The following EPHB1 variants were observed in gnomAD, a reference collection of about 807,000 sequenced individuals.
The protein encoded by EPHB1 is EPH receptor B1.
In EPHB1, 30 loss-of-function variants were observed where a neutral mutation model predicts 94.4. The ratio of observed to expected loss-of-function variants is 0.32; its 90% CI spans 0.24 to 0.43. EPHB1 has a LOEUF of 0.43. EPHB1 is among the 20% of genes least tolerant of loss of function. The probability of loss-of-function intolerance (pLI) is 1.00; values close to 1 mark genes in which losing one functional copy is unlikely to be tolerated. For synonymous variants in EPHB1, 522 were observed against 489.1 expected (o/e 1.07, Z -0.89); for missense variants, 1,055 against 1,308.3 (o/e 0.81, Z 2.99).
At chr3:134,863,275 C>T (rs1311118342) in intron 1 of EPHB1, among the ~76,000 whole-genome samples, 4 of 152,184 alleles carry the variant, frequency 2.6e-5, no homozygotes, top group Non-Finnish European at 4.4e-5. Context: ...GTATATCTGC[C>T]GGCCTGGACT....
chr3:134,804,069 C>CTT (rs1560240142), intron 1 of EPHB1, among the ~76,000 whole-genome samples: 2 of 51,810 alleles, frequency 3.9e-5, no homozygotes, highest in Non-Finnish European at 7.0e-5. Flanking sequence ...TCATTATTGG[C>CTT]TATTTTTTTT....
intron 10 of EPHB1, among the ~76,000 whole-genome samples, chr3:135,190,853 G>C (rs200985872): frequency 1.3e-5 from 2 of 152,190 alleles, no homozygotes; most frequent in African/African-American, 4.8e-5. Context: ...TATGTGCCAA[G>C]CACCACAGTG....
At chr3:135,006,824 T>C (rs1162082595) in intron 3 of EPHB1, among the ~76,000 whole-genome samples, 1 of 152,114 alleles carries the variant, frequency 6.6e-6, no homozygotes, top group Admixed American at 6.5e-5. Context: ...ATGCCAAGTT[T>C]TTTTTTTTCA....
At chr3:135,252,549 C>T (rs1350936902) in intron 15 of EPHB1, among the ~76,000 whole-genome samples, 2 of 149,706 alleles carry the variant, frequency 1.3e-5, no homozygotes, top group Non-Finnish European at 3.0e-5. Flanking sequence ...ATGAACTCAT[C>T]ATTTTTTATG....
At chr3:135,034,093 C>G (rs1936571394) in intron 3 of EPHB1, among the ~76,000 whole-genome samples, 2 of 152,022 alleles carry the variant, frequency 1.3e-5, no homozygotes, top group Non-Finnish European at 2.9e-5. Context: ...CGGTTAGCAA[C>G]TGTATCCTGT....
intron 3 of EPHB1, among the ~76,000 whole-genome samples, chr3:134,955,654 T>C (rs1301727964): frequency 2.5e-5 from 1 of 40,684 alleles, no homozygotes; most frequent in Non-Finnish European, 4.8e-5. Context: ...ATCATGCTGC[T>C]ATAAAGACAC....
intron 1 of EPHB1, among the ~76,000 whole-genome samples, chr3:134,877,394 C>T (rs1346640193): frequency 6.6e-6 from 1 of 152,170 alleles, no homozygotes; most frequent in Non-Finnish European, 1.5e-5. Context: ...AGCCCCCTGA[C>T]CCCCACAGCA....
chr3:134,897,333 G>C (rs1460628146), intron 1 of EPHB1, among the ~76,000 whole-genome samples: 1 of 152,154 alleles, frequency 6.6e-6, no homozygotes, highest in South Asian at 2.1e-4. Context: ...TCTTGGGTCA[G>C]GGGTGAGGGA....
intron 5 of EPHB1, among the ~76,000 whole-genome samples, chr3:135,153,297 A>G (rs1414522189): frequency 6.6e-6 from 1 of 152,216 alleles, no homozygotes; most frequent in East Asian, 1.9e-4. Context: ...CAGAGCACAG[A>G]TTGAAGCCTC....
intron 3 of EPHB1, among the ~76,000 whole-genome samples, chr3:135,081,890 A>G (rs1402405808): frequency 6.6e-6 from 1 of 152,056 alleles, no homozygotes; most frequent in African/African-American, 2.4e-5. Context: ...GTGGGCAGAA[A>G]ACACAGAGCT....
chr3:135,151,050 G>A (rs550552607), intron 5 of EPHB1, among the ~76,000 whole-genome samples: 1 of 152,278 alleles, frequency 6.6e-6, no homozygotes, highest in South Asian at 2.1e-4. Context: ...AATAGATTCA[G>A]AATCTGCCTA....
intron 5 of EPHB1, among the ~76,000 whole-genome samples, chr3:135,150,107 A>G (rs898572792): frequency 3.9e-5 from 6 of 152,204 alleles, no homozygotes; most frequent in African/African-American, 1.4e-4. Context: ...ATGGCTTTCC[A>G]GAGAGTAGAG....
At chr3:135,205,985 T>A (rs1942891702) in intron 12 of EPHB1, among the ~76,000 whole-genome samples, 2 of 152,182 alleles carry the variant, frequency 1.3e-5, no homozygotes, top group Non-Finnish European at 2.9e-5. Context: ...ATACAGAACA[T>A]TGCCATCAAA....
chr3:134,963,512 T>C (rs1427759383), intron 3 of EPHB1, among the ~76,000 whole-genome samples: 2 of 152,180 alleles, frequency 1.3e-5, no homozygotes, highest in Non-Finnish European at 2.9e-5. Flanking sequence ...TAATACAGTG[T>C]GGCTGTCATT....
chr3:135,072,042 C>T (rs1160888142), intron 3 of EPHB1, among the ~76,000 whole-genome samples: 1 of 152,144 alleles, frequency 6.6e-6, no homozygotes, highest in Non-Finnish European at 1.5e-5. Context: ...TTGCCTTCTA[C>T]AGACCACTCC....
intron 1 of EPHB1, among the ~76,000 whole-genome samples, chr3:134,824,610 G>T (rs373285670): frequency 4.6e-5 from 7 of 152,278 alleles, no homozygotes; most frequent in Admixed American, 3.3e-4. Context: ...AGTATGGATT[G>T]GACTTGATGA....
intron 4 of EPHB1, among the ~76,000 whole-genome samples, chr3:135,120,737 C>G (rs1450477644): frequency 6.6e-6 from 1 of 152,212 alleles, no homozygotes; most frequent in Non-Finnish European, 1.5e-5. Flanking sequence ...TTTACAGCTG[C>G]GTAAGCCAGT....
chr3:135,122,035 T>G (rs192080212), intron 4 of EPHB1, among the ~76,000 whole-genome samples: 1 of 152,220 alleles, frequency 6.6e-6, no homozygotes, highest in Admixed American at 6.5e-5. Flanking sequence ...ATCTCCAGGC[T>G]CAGGGGGATA....
intron 1 of EPHB1, among the ~76,000 whole-genome samples, chr3:134,832,730 G>A (rs916554001): frequency 2.6e-5 from 4 of 152,226 alleles, no homozygotes; most frequent in South Asian, 2.1e-4. Context: ...TTTTGACTGA[G>A]TCTGAAACTG....
Sources: allele counts gnomAD v4.1 joint callset (sites outside exome capture counted in the v4.1 genomes callset), GRCh38; gene constraint gnomAD v4.1.1; transcripts MANE v1.5; gene names NCBI Gene and HGNC (gene_info 2026-07-23, HGNC 2026-07-21).